Variants in MBTD1 observed in about 807,000 individuals in gnomAD.
The protein encoded by MBTD1 is mbt domain containing 1.
A neutral mutation model predicts 87.8 loss-of-function variants in MBTD1; 24 were observed. The observed-to-expected ratio is 0.27, with a 90% CI of 0.20 to 0.38. MBTD1 has a LOEUF of 0.38. Among genes scored for constraint, MBTD1 ranks in the 10% least tolerant of loss-of-function variants. MBTD1 has a pLI of 1.00. For synonymous variants in MBTD1, 237 were observed against 248.6 expected (o/e 0.95, Z 0.44); for missense variants, 436 against 760.2 (o/e 0.57, Z 5.02).
rs753866350 is a variant in MBTD1, at chr17:51,202,756, T to A, written c.1008A>T (p.Pro336=). 8.1e-6 allele frequency: 13 copies of A among 1,614,074 alleles called. No homozygotes were observed. The highest frequency in any genetic ancestry group is 4.5e-5 in the East Asian group (2 of 44,878). Residue 336 remains proline, a synonymous_variant, in exon 10 of 17, where the codon CCA becomes CCT. Coordinates refer to ENST00000586178, the MANE Select transcript of MBTD1 (RefSeq NM_017643.3). ...GAGACCAACCAATATGATGTATTAATGGGCTGTGCATATGGCACCAGAAGT... is the reference window on the plus strand; with the variant it reads ...GAGACCAACCAATATGATGTATTAAAGGGCTGTGCATATGGCACCAGAAGT... ...TDDFWCHMHS[P]LIHHIGWSRS...
intron 16 of MBTD1, chr17:51,184,764 C>CA (rs1395889893): frequency 7.9e-5 from 12 of 152,086 alleles, no homozygotes; most frequent in African/African-American, 2.4e-4. Context: ...TTGGAACTCA[C>CA]AATATCCATA....
At chr17:51,212,775 AGATG>A (rs920111913) in intron 6 of MBTD1, among the ~76,000 whole-genome samples, 17 of 152,320 alleles carry the variant, frequency 1.1e-4, no homozygotes, top group East Asian at 5.8e-4. Context: ...TTTATTTTTG[AGATG>A]GAATTTTGCT....
chr17:51,202,074 A>G lies in MBTD1; in HGVS notation c.1067T>C (p.Ile356Thr), dbSNP rs777771584. 1.2e-5 allele frequency: 19 copies of G among 1,598,694 alleles called. No individual in the cohort carries two copies. The highest frequency in any genetic ancestry group is 2.2e-5 in the East Asian group (1 of 44,652). Reference sequence around the variant, plus strand: ...AAAATGTCCATCCTGTTTCTTTGTAATATCTACAAGGAAAAGTTACACACT... The same window carrying G: ...AAAATGTCCATCCTGTTTCTTTGTAGTATCTACAAGGAAAAGTTACACACT... ...SIGHRFKRSDITKKQDGHFDT... is the reference protein window; with the variant it reads ...SIGHRFKRSDTTKKQDGHFDT... Residue 356 changes from isoleucine (I) to threonine (T), a missense_variant, in exon 11 of 17, where the codon ATT (isoleucine) becomes ACT (threonine). Physicochemically the swap from Ile to Thr is moderately conservative, Grantham distance 89. Transcript: ENST00000586178.
rs955887396 is a variant in MBTD1 at position 51,217,203 on chromosome 17, A to G, written c.486+131T>C. 5.4e-6 allele frequency: 3 copies of G among 558,034 alleles called. No homozygotes were observed. In the Admixed American group the frequency reaches 1.2e-4, roughly 22 times the overall value. The allele number at this position is 558,034 out of a possible 1,614,324, so 34.6% of individuals were successfully genotyped here. A position where few individuals can be genotyped will look rare whatever the true frequency, so the allele number is the denominator to read the frequency against. On this transcript the variant is annotated intron_variant, in intron 6 of 16. Transcript: ENST00000586178. ...GTTAACTATTATTAAGTATAATAAT[A>G]AAAGAAGCATTTCAGTTACAAGACA...
chr17:51,230,860 T>C (rs1284634478), intron 2 of MBTD1, among the ~76,000 whole-genome samples: 1 of 152,198 alleles, frequency 6.6e-6, no homozygotes, highest in Non-Finnish European at 1.5e-5. Context: ...GCTCTACACA[T>C]TTAATAAACA....
intron 16 of MBTD1, among the ~76,000 whole-genome samples, chr17:51,182,528 G>A (rs1234078590): frequency 6.6e-6 from 1 of 152,088 alleles, no homozygotes; most frequent in African/African-American, 2.4e-5. Flanking sequence ...AAACATAAGC[G>A]CAGCATCCTT....
chr17:51,203,908 T>G lies in MBTD1; in HGVS notation c.622A>C (p.Arg208=). 1 of 1,606,978 alleles carries G rather than the reference T, an allele frequency of 6.2e-7. No homozygotes were observed. The highest frequency in any genetic ancestry group is 1.1e-5 in the South Asian group (1 of 89,904). The change falls in exon 8 of 17, where the codon AGA becomes CGA. Residue 208 remains arginine (R), a synonymous_variant. Coordinates refer to ENST00000586178, the MANE Select transcript of MBTD1 (RefSeq NM_017643.3). ...GAGTCATTTTCAAATCCTTCATATCTTAAAAGGGCATTGTAACCTGAAACC... is the reference window on the plus strand; with the variant it reads ...GAGTCATTTTCAAATCCTTCATATCGTAAAAGGGCATTGTAACCTGAAACC... ...VKLAGYNALL[R]YEGFENDSGL...
intron 13 of MBTD1, 82 bp downstream of exon 13, chr17:51,195,132 G>C: frequency 8.1e-7 from 1 of 1,237,454 alleles, no homozygotes. Flanking sequence ...GGAAATCTAG[G>C]GCTGTGTTAA....
At chr17:51,242,025 A>G (rs966214589) in intron 2 of MBTD1, among the ~76,000 whole-genome samples, 1 of 152,158 alleles carries the variant, frequency 6.6e-6, no homozygotes, top group African/African-American at 2.4e-5. Flanking sequence ...GCATAATAAG[A>G]TACTCCAGGC....
intron 2 of MBTD1, among the ~76,000 whole-genome samples, chr17:51,255,481 T>C (rs1449446999): frequency 6.6e-6 from 1 of 152,174 alleles, no homozygotes; most frequent in Non-Finnish European, 1.5e-5. Context: ...TAAACAAAGA[T>C]GGGTTAAACA....
intron 2 of MBTD1, among the ~76,000 whole-genome samples, chr17:51,248,666 T>C (rs568494163): frequency 2.6e-5 from 4 of 152,332 alleles, no homozygotes; most frequent in African/African-American, 9.6e-5. Context: ...AGCATAGTGT[T>C]TCTGAGATTC....
intron 2 of MBTD1, among the ~76,000 whole-genome samples, chr17:51,238,842 G>A (rs532157524): frequency 3.0e-4 from 46 of 152,344 alleles, no homozygotes; most frequent in African/African-American, 1.1e-3. Flanking sequence ...GCTCATGCCT[G>A]TAATCCCAGA....
At chr17:51,230,453 C>A (rs2053486803) in intron 2 of MBTD1, among the ~76,000 whole-genome samples, 2 of 152,000 alleles carry the variant, frequency 1.3e-5, no homozygotes, top group Admixed American at 1.3e-4. Context: ...GCAAAGCAGA[C>A]AAGATCCATG....
chr17:51,252,118 A>T (rs969347887), intron 2 of MBTD1, among the ~76,000 whole-genome samples: 4 of 152,168 alleles, frequency 2.6e-5, no homozygotes, highest in African/African-American at 9.7e-5. Context: ...TAATATTTGT[A>T]ATATGCTTAG....
intron 2 of MBTD1, among the ~76,000 whole-genome samples, chr17:51,252,445 G>A (rs1020355248): frequency 2.0e-5 from 3 of 152,064 alleles, no homozygotes; most frequent in Non-Finnish European, 4.4e-5. Context: ...TAAAACCGAG[G>A]CCAGGTGCAG....
intron 2 of MBTD1, among the ~76,000 whole-genome samples, chr17:51,226,503 AAAAATAAAAT>A (rs1170674186): frequency 1.3e-5 from 2 of 151,886 alleles, no homozygotes; most frequent in Non-Finnish European, 2.9e-5. Context: ...ACCATGTCTC[AAAAATAAAAT>A]AAAATAAAAT....
At chr17:51,254,594 A>C (rs972772243) in intron 2 of MBTD1, among the ~76,000 whole-genome samples, 6 of 152,232 alleles carry the variant, frequency 3.9e-5, no homozygotes, top group Admixed American at 6.5e-5. Context: ...ATCTACAAGA[A>C]ATACAAATTT....
At chr17:51,239,096 T>C (rs2054016286) in intron 2 of MBTD1, among the ~76,000 whole-genome samples, 1 of 89,830 alleles carries the variant, frequency 1.1e-5, no homozygotes, top group African/African-American at 5.3e-5. Context: ...CGAGTCTCCA[T>C]CTCAAAAAAA....
chr17:51,244,838 C>A (rs975557884), intron 2 of MBTD1, among the ~76,000 whole-genome samples: 1 of 152,128 alleles, frequency 6.6e-6, no homozygotes, highest in Non-Finnish European at 1.5e-5. Flanking sequence ...TTCCAAGGAA[C>A]TCTAGTCCTT....
Sources: gnomAD v4.1 joint callset for allele counts (sites outside exome capture counted in the v4.1 genomes callset) on GRCh38, gnomAD v4.1.1 for gene constraint, MANE v1.5 for transcripts, NCBI Gene and HGNC (gene_info 2026-07-23, HGNC 2026-07-21) for gene names.